The following HMGA2 variants were observed in gnomAD, a reference collection of about 807,000 sequenced individuals.
HMGA2 encodes the protein high mobility group protein HMGI-C.
HMGA2 carries 8 observed loss-of-function variants against 19.1 expected under a neutral mutation model. The observed-to-expected ratio is 0.42, with a 90% confidence interval of 0.25 to 0.76. The LOEUF is 0.76. Ranked by LOEUF, HMGA2 falls within the 30% of genes least tolerant of loss-of-function variation. HMGA2 has a pLI of 0.28. For missense variants in HMGA2, 109 were observed against 136.3 expected, an observed-to-expected ratio of 0.80 and a Z score of 1.00; for synonymous variants, 60 against 48.8, an observed-to-expected ratio of 1.23 and a Z score of -0.96.
intron 3 of HMGA2, among the ~76,000 whole-genome samples, chr12:65,926,393 A>G (rs1875505818): frequency 6.6e-6 from 1 of 152,228 alleles, no homozygotes; most frequent in South Asian, 2.1e-4. Context: ...TTTGCAAATT[A>G]AGTGTTTAAC....
intron 3 of HMGA2, chr12:65,851,374 G>T (rs1331218925): frequency 6.0e-6 from 1 of 167,850 alleles, no homozygotes; most frequent in African/African-American, 2.4e-5. Flanking sequence ...AATTAGCCGG[G>T]TGTGGTGGCG....
chr12:65,855,820 A>G (rs1311855408), intron 3 of HMGA2: 2 of 152,636 alleles, frequency 1.3e-5, no homozygotes, highest in Admixed American at 6.5e-5. Context: ...CATTTAGTAT[A>G]TTTGGACCAA....
intron 3 of HMGA2, among the ~76,000 whole-genome samples, chr12:65,888,780 G>T (rs1396085137): frequency 3.3e-5 from 5 of 150,766 alleles, no homozygotes; most frequent in Non-Finnish European, 7.4e-5. Context: ...AGCCAGGATG[G>T]TCTCGACCTC....
At chr12:65,882,014 A>G (rs1242846693) in intron 3 of HMGA2, 2 of 677,830 alleles carry the variant, frequency 3.0e-6, no homozygotes. Context: ...AGTCGCTGGC[A>G]TGGCTCTGTG....
intron 3 of HMGA2, among the ~76,000 whole-genome samples, chr12:65,841,499 C>G (rs1158701189): frequency 1.3e-5 from 2 of 152,322 alleles, no homozygotes; most frequent in South Asian, 4.1e-4. Flanking sequence ...CAGCCAGTCA[C>G]AGCAAGGCAT....
chr12:65,945,237 A>G (rs1876225312), intron 3 of HMGA2, among the ~76,000 whole-genome samples: 2 of 138,110 alleles, frequency 1.4e-5, no homozygotes, highest in Admixed American at 1.4e-4. Context: ...TTATGCTTTA[A>G]AAAAAAAAAA....
chr12:65,895,006 GT>G (rs1874066577), intron 3 of HMGA2, among the ~76,000 whole-genome samples: 2 of 152,152 alleles, frequency 1.3e-5, no homozygotes, highest in African/African-American at 4.8e-5. Context: ...ACCGGTACCA[GT>G]AAAACAGCAT....
chr12:65,852,804 G>A (rs1312140668), intron 3 of HMGA2, among the ~76,000 whole-genome samples: 1 of 152,194 alleles, frequency 6.6e-6, no homozygotes, highest in Non-Finnish European at 1.5e-5. Flanking sequence ...GAGGTTAAGA[G>A]AGTGCCACAT....
intron 3 of HMGA2, among the ~76,000 whole-genome samples, chr12:65,907,332 C>A (rs765147083): frequency 6.6e-6 from 1 of 150,846 alleles, no homozygotes; most frequent in Non-Finnish European, 1.5e-5. Flanking sequence ...ATAGCTTGAA[C>A]CAGGGAGGCA....
intron 3 of HMGA2, among the ~76,000 whole-genome samples, chr12:65,870,272 T>C (rs1872643933): frequency 2.6e-5 from 4 of 152,242 alleles, no homozygotes; most frequent in African/African-American, 9.6e-5. Context: ...TATTTAACCT[T>C]GTACGAGCCT....
chr12:65,891,747 G>C (rs1446107401), intron 3 of HMGA2, among the ~76,000 whole-genome samples: 1 of 152,234 alleles, frequency 6.6e-6, no homozygotes, highest in African/African-American at 2.4e-5. Flanking sequence ...CTGCTGCCCT[G>C]TGCTGCGTGG....
At chr12:65,907,573 G>A (rs888948078) in intron 3 of HMGA2, among the ~76,000 whole-genome samples, 6 of 152,108 alleles carry the variant, frequency 3.9e-5, no homozygotes, top group African/African-American at 1.2e-4. Context: ...CCTCTTTGGA[G>A]GGACCTAGGA....
chr12:65,922,706 G>A (rs1181454464), intron 3 of HMGA2, among the ~76,000 whole-genome samples: 1 of 152,036 alleles, frequency 6.6e-6, no homozygotes, highest in East Asian at 1.9e-4. Flanking sequence ...GGGGCCAGGG[G>A]CAGTATGATA....
chr12:65,838,484 T>A (rs1430337657), intron 2 of HMGA2, 35 bp from the exon 3 acceptor site: 1 of 1,559,478 alleles, frequency 6.4e-7, no homozygotes, highest in Non-Finnish European at 8.8e-7. Context: ...CAATGTCAGG[T>A]AGAAAACTAT....
chr12:65,903,801 C>G (rs1223133748), intron 3 of HMGA2, among the ~76,000 whole-genome samples: 2 of 152,094 alleles, frequency 1.3e-5, no homozygotes, highest in Non-Finnish European at 1.5e-5. Context: ...CGTCTTTTGG[C>G]TTTTTGATTG....
Position 65,831,719 on chromosome 12 carries a change from G to A in HMGA2, c.198+3632G>A, listed in dbSNP as rs564073935. On this transcript the variant is annotated intron_variant, in intron 2 of 4. Transcript: ENST00000403681. Reference sequence around the variant, plus strand: ...CTCCTTCTAATCATTTGCATTTCTCGAAATGTGGTTTGCTTTTCATAATCA... The same window carrying A: ...CTCCTTCTAATCATTTGCATTTCTCAAAATGTGGTTTGCTTTTCATAATCA... 3.2e-4 allele frequency among the ~76,000 whole-genome samples: 48 copies of A among 151,918 alleles called. 1 individual carries two copies. Among genetic ancestry groups the A allele is most frequent in the African/African-American group, 1.0e-3 (42 of 41,536 alleles).
chr12:65,862,002 G>A (rs569057394), intron 3 of HMGA2, among the ~76,000 whole-genome samples: 25 of 151,866 alleles, frequency 1.6e-4, no homozygotes, highest in African/African-American at 5.6e-4. Flanking sequence ...CCACCACCAC[G>A]CCCGGCTAAT....
chr12:65,918,923 G>A (rs1331056459), intron 3 of HMGA2, among the ~76,000 whole-genome samples: 1 of 152,114 alleles, frequency 6.6e-6, no homozygotes, highest in African/African-American at 2.4e-5. Flanking sequence ...AGATACCAGT[G>A]GGCTGACTAC....
Position 65,878,229 on chromosome 12 carries a change from T to A in HMGA2, c.249+39660T>A, listed in dbSNP as rs773468748. Reference sequence around the variant, plus strand: ...CTCTGCAACAACGTTTCTTGTAGAATGAGGATGCATAAACTTGTTATAACA... The same window carrying A: ...CTCTGCAACAACGTTTCTTGTAGAAAGAGGATGCATAAACTTGTTATAACA... On this transcript the variant is annotated intron_variant, in intron 3 of 4. Transcript: ENST00000403681. 1.8e-4 allele frequency among the ~76,000 whole-genome samples: 28 copies of A among 152,244 alleles called. 1 individual carries two copies. The highest frequency in any genetic ancestry group is 4.1e-4 in the Non-Finnish European group (28 of 68,038).
Sources: allele counts gnomAD v4.1 joint callset (sites outside exome capture counted in the v4.1 genomes callset), GRCh38; gene constraint gnomAD v4.1.1; transcripts MANE v1.5; gene names NCBI Gene and HGNC (gene_info 2026-07-23, HGNC 2026-07-21).